CNTNAP5: variants seen among roughly 807,000 people sequenced by gnomAD.
CNTNAP5 encodes contactin associated protein family member 5, also known as contactin-associated protein-like 5.
CNTNAP5 carries 72 observed loss-of-function variants against 150.2 expected under a neutral mutation model. The ratio of observed to expected loss-of-function variants is 0.48; its 90% CI spans 0.40 to 0.58. The LOEUF (loss-of-function observed/expected upper bound fraction) is 0.58. CNTNAP5 is among the 20% of genes least tolerant of loss of function. CNTNAP5 has a pLI of 0.00. For missense variants in CNTNAP5, 1,636 were observed against 1,626.2 expected, an observed-to-expected ratio of 1.01 and a Z score of -0.10; for synonymous variants, 672 against 619.8, an observed-to-expected ratio of 1.08 and a Z score of -1.25.
At chr2:124,702,483 G>A (rs1679544653) in intron 13 of CNTNAP5, among the ~76,000 whole-genome samples, 1 of 145,902 alleles carries the variant, frequency 6.9e-6, no homozygotes, top group Admixed American at 7.2e-5. Context: ...ATCCTTTAGG[G>A]ATGTGGACAT....
At chr2:124,789,735 T>G (rs981668557) in intron 17 of CNTNAP5, among the ~76,000 whole-genome samples, 167 bp from the exon 18 acceptor site, 1 of 152,184 alleles carries the variant, frequency 6.6e-6, no homozygotes, top group Non-Finnish European at 1.5e-5. Context: ...ATGCATTTAT[T>G]TGAGGCTCTT....
chr2:124,176,842 G>GTTTTTT (rs71394026), intron 1 of CNTNAP5, among the ~76,000 whole-genome samples: 2 of 119,914 alleles, frequency 1.7e-5, no homozygotes, highest in African/African-American at 3.2e-5. Flanking sequence ...GTTATTGCTG[G>GTTTTTT]TTTTTTTTTT....
intron 1 of CNTNAP5, among the ~76,000 whole-genome samples, chr2:124,028,738 G>A (rs1680963753): frequency 1.3e-5 from 2 of 152,094 alleles, no homozygotes; most frequent in Non-Finnish European, 2.9e-5. Context: ...GGAGTTAGAA[G>A]AGCTGAGGAG....
At chr2:124,098,341 A>G (rs978369199) in intron 1 of CNTNAP5, among the ~76,000 whole-genome samples, 1 of 152,100 alleles carries the variant, frequency 6.6e-6, no homozygotes, top group East Asian at 1.9e-4. Context: ...AGAGGGGGGA[A>G]TTGGTCTTGA....
chr2:124,611,867 A>G (rs868340108), intron 12 of CNTNAP5, among the ~76,000 whole-genome samples: 42 of 152,308 alleles, frequency 2.8e-4, no homozygotes, highest in African/African-American at 9.6e-4. Context: ...TTGAGCTGGG[A>G]GTTTACAAAT....
intron 6 of CNTNAP5, among the ~76,000 whole-genome samples, chr2:124,466,808 A>T (rs1693388201): frequency 6.6e-6 from 1 of 152,138 alleles, no homozygotes; most frequent in African/African-American, 2.4e-5. Context: ...TTTCATACAG[A>T]CTATGTACTC....
intron 3 of CNTNAP5, among the ~76,000 whole-genome samples, chr2:124,393,202 G>A (rs990524298): frequency 1.3e-5 from 2 of 151,952 alleles, no homozygotes; most frequent in Non-Finnish European, 2.9e-5. Context: ...TGTGGCATGC[G>A]GCATCCTCAG....
intron 1 of CNTNAP5, among the ~76,000 whole-genome samples, chr2:124,109,098 G>A (rs543836411): frequency 9.2e-5 from 14 of 152,268 alleles, no homozygotes; most frequent in African/African-American, 2.2e-4. Context: ...TTCCTGAGCC[G>A]GCAGCCAGTG....
chr2:124,685,022 C>T (rs1679158849), intron 13 of CNTNAP5, among the ~76,000 whole-genome samples: 1 of 152,062 alleles, frequency 6.6e-6, no homozygotes. Context: ...CCTTATTACC[C>T]ACTTCCACCC....
chr2:124,541,777 C>A (rs1335641467), intron 10 of CNTNAP5, among the ~76,000 whole-genome samples: 1 of 152,148 alleles, frequency 6.6e-6, no homozygotes, highest in Non-Finnish European at 1.5e-5. Flanking sequence ...ATCCTCACAA[C>A]TCTAAGAGCC....
At position 124,551,479 on chromosome 2, in the gene CNTNAP5, C is replaced by T. The variant is rs375137775; in HGVS notation, c.1650-11738C>T. 3.0e-4 allele frequency among the ~76,000 whole-genome samples: 46 copies of T among 152,244 alleles called. No individual in the cohort carries two copies. In the South Asian group the frequency reaches 8.3e-3, roughly 27 times the overall value. ...CTATCTGACCAAAACGAGATCAATGCGGTTGGCTGCTAATTAAAGCAAACA... is the reference window on the plus strand; with the variant it reads ...CTATCTGACCAAAACGAGATCAATGTGGTTGGCTGCTAATTAAAGCAAACA... On this transcript the variant is annotated intron_variant, in intron 10 of 23. Transcript: ENST00000682447.
chr2:124,654,427 T>C (rs1490160139), intron 13 of CNTNAP5, among the ~76,000 whole-genome samples: 1 of 152,124 alleles, frequency 6.6e-6, no homozygotes, highest in Non-Finnish European at 1.5e-5. Context: ...TGGAAAAAGG[T>C]ATGAGCTCCC....
intron 13 of CNTNAP5, among the ~76,000 whole-genome samples, chr2:124,667,021 G>A (rs373006988): frequency 3.9e-5 from 4 of 102,728 alleles, no homozygotes; most frequent in Non-Finnish European, 7.1e-5. Flanking sequence ...TAAGAAGAAC[G>A]ATGGGGGAAA....
chr2:124,562,333 A>G (rs1475874151), intron 10 of CNTNAP5, among the ~76,000 whole-genome samples: 1 of 151,936 alleles, frequency 6.6e-6, no homozygotes, highest in African/African-American at 2.4e-5. Context: ...GTTTGTTATA[A>G]TCATGTTTGT....
At chr2:124,644,731 T>C (rs1166427311) in intron 12 of CNTNAP5, among the ~76,000 whole-genome samples, 1 of 152,142 alleles carries the variant, frequency 6.6e-6, no homozygotes, top group African/African-American at 2.4e-5. Flanking sequence ...CTTGTTTCAG[T>C]CTTTATCCTG....
At chr2:124,206,313 G>T (rs186138718) in intron 1 of CNTNAP5, among the ~76,000 whole-genome samples, 1 of 152,266 alleles carries the variant, frequency 6.6e-6, no homozygotes, top group East Asian at 1.9e-4. Context: ...GTGGCCTATT[G>T]TCTGGACTCA....
chr2:124,847,725 C>T (rs543013057), intron 19 of CNTNAP5, among the ~76,000 whole-genome samples: 7 of 152,260 alleles, frequency 4.6e-5, no homozygotes, highest in South Asian at 2.1e-4. Context: ...ATCCAAGTGG[C>T]GGCTGCAAGC....
intron 22 of CNTNAP5, among the ~76,000 whole-genome samples, chr2:124,904,026 C>T (rs1678474076): frequency 7.6e-6 from 1 of 132,262 alleles, no homozygotes; most frequent in South Asian, 2.5e-4. Context: ...TGCACTCCAG[C>T]CTGGGGTATA....
At chr2:124,461,563 ATATACC>A (rs1693254542) in intron 6 of CNTNAP5, among the ~76,000 whole-genome samples, 1 of 150,812 alleles carries the variant, frequency 6.6e-6, no homozygotes, top group Non-Finnish European at 1.5e-5. Context: ...GCATTAGGAG[ATATACC>A]TAATGCTAGA....
Sources: allele counts gnomAD v4.1 joint callset (sites outside exome capture counted in the v4.1 genomes callset), GRCh38; gene constraint gnomAD v4.1.1; transcripts MANE v1.5; gene names NCBI Gene and HGNC (gene_info 2026-07-23, HGNC 2026-07-21).